The following SORCS3 variants were observed in gnomAD, a reference collection of about 807,000 sequenced individuals.
SORCS3 encodes VPS10 domain-containing receptor SorCS3.
Under a neutral mutation model 146.3 loss-of-function variants are expected in SORCS3, and 57 were observed. The observed-to-expected ratio is 0.39, with a 90% CI of 0.31 to 0.49. The LOEUF (loss-of-function observed/expected upper bound fraction) is 0.49, where lower values mean the gene tolerates loss of function less well. SORCS3 is among the 20% of genes least tolerant of loss of function. The probability of loss-of-function intolerance (pLI) is 0.92; values close to 1 mark genes in which losing one functional copy is unlikely to be tolerated. For missense variants in SORCS3, 1,341 were observed against 1,575.5 expected, an observed-to-expected ratio of 0.85 and a Z score of 2.52; for synonymous variants, 653 against 618.5, an observed-to-expected ratio of 1.06 and a Z score of -0.83.
At chr10:105,139,949 A>G (rs1034179) in intron 8 of SORCS3, among the ~76,000 whole-genome samples, 77,356 of 152,012 alleles carry the variant, frequency 0.51, 19,972 homozygotes, top group Admixed American at 0.55. Context: ...TCCCCCTGCC[A>G]CCATGAGTAA....
intron 4 of SORCS3, among the ~76,000 whole-genome samples, chr10:105,037,952 C>G (rs2055316830): frequency 6.6e-6 from 1 of 152,124 alleles, no homozygotes; most frequent in Non-Finnish European, 1.5e-5. Flanking sequence ...CTCTGGCAGG[C>G]CAATGTAATT....
At chr10:104,995,792 A>C (rs2055023481) in intron 4 of SORCS3, among the ~76,000 whole-genome samples, 1 of 152,072 alleles carries the variant, frequency 6.6e-6, no homozygotes, top group African/African-American at 2.4e-5. Context: ...TTTTTGGATC[A>C]TATTATTTGA....
Position 105,201,631 on chromosome 10 carries a change from C to T in SORCS3, c.2261+378C>T, listed in dbSNP as rs117857074. Among the ~76,000 whole-genome samples, 23 of 152,312 alleles carry T rather than the reference C, an allele frequency of 1.5e-4. 1 individual carries two copies. The East Asian group carries it at 4.1e-3, about 27-fold the overall frequency. ...CATGCACTCTCACTGTGCTCTTCTA[C>T]GTGACCTCTCTCTTGTTTCCTTTTT... On this transcript the variant is annotated intron_variant, in intron 16 of 26. Coordinates refer to ENST00000369701, the MANE Select transcript of SORCS3 (RefSeq NM_014978.3).
chr10:104,871,805 G>T (rs2018521509), intron 2 of SORCS3, among the ~76,000 whole-genome samples: 1 of 152,126 alleles, frequency 6.6e-6, no homozygotes, highest in Non-Finnish European at 1.5e-5. Flanking sequence ...ACCTGTCGAG[G>T]TGAGGGCAGG....
chr10:104,877,691 CA>C (rs1357392323), intron 2 of SORCS3, among the ~76,000 whole-genome samples: 1 of 152,180 alleles, frequency 6.6e-6, no homozygotes, highest in African/African-American at 2.4e-5. Context: ...GGACAGAAAA[CA>C]GGCTAAGAGA....
intron 7 of SORCS3, among the ~76,000 whole-genome samples, chr10:105,116,904 G>T (rs865854205): frequency 6.6e-6 from 1 of 152,060 alleles, no homozygotes; most frequent in East Asian, 1.9e-4. Flanking sequence ...GGTGGGAGGA[G>T]GAAGAGGAGC....
intron 3 of SORCS3, among the ~76,000 whole-genome samples, chr10:104,974,350 C>G (rs183735826): frequency 3.3e-5 from 5 of 152,194 alleles, no homozygotes; most frequent in African/African-American, 9.6e-5. Flanking sequence ...GTAGGTCACT[C>G]AGGACTTGCT....
intron 1 of SORCS3, among the ~76,000 whole-genome samples, chr10:104,704,207 G>A (rs954812994): frequency 2.0e-4 from 28 of 141,588 alleles, no homozygotes; most frequent in African/African-American, 5.6e-4. Flanking sequence ...TCTCACTGTC[G>A]CCCAGGCTGG....
intron 4 of SORCS3, among the ~76,000 whole-genome samples, chr10:104,980,081 A>G (rs1209067911): frequency 6.6e-6 from 1 of 152,192 alleles, no homozygotes; most frequent in Non-Finnish European, 1.5e-5. Flanking sequence ...CTCATGAAGT[A>G]CCCTTATGGA....
rs151050316 is a variant in SORCS3, at chr10:104,726,882, G to A, written c.627+84928G>A. Among the ~76,000 whole-genome samples, 26 of 152,254 alleles carry A rather than the reference G, an allele frequency of 1.7e-4. 1 individual carries two copies. The East Asian group carries it at 5.0e-3, about 29-fold the overall frequency. ...ACCTGGGACTAGGGCTACTTGGGATGCAAGACTTCCAGTGTTCAATCTGGT... is the reference window on the plus strand; with the variant it reads ...ACCTGGGACTAGGGCTACTTGGGATACAAGACTTCCAGTGTTCAATCTGGT... On this transcript the variant is annotated intron_variant, in intron 1 of 26. Transcript: ENST00000369701.
intron 13 of SORCS3, among the ~76,000 whole-genome samples, chr10:105,167,893 A>G (rs1253719750): frequency 1.3e-5 from 2 of 152,138 alleles, no homozygotes; most frequent in African/African-American, 4.8e-5. Flanking sequence ...TACAAGGAGA[A>G]ACCAGGGACT....
chr10:105,256,561 C>A (rs930770017), intron 24 of SORCS3, among the ~76,000 whole-genome samples: 1 of 152,308 alleles, frequency 6.6e-6, no homozygotes, highest in South Asian at 2.1e-4. Flanking sequence ...GCTGGACATA[C>A]GTTGTTCAAT....
intron 1 of SORCS3, among the ~76,000 whole-genome samples, chr10:104,688,947 A>C (rs1453831518): frequency 6.6e-6 from 1 of 152,162 alleles, no homozygotes; most frequent in African/African-American, 2.4e-5. Context: ...CATGCATGCC[A>C]AGGAAGTGAG....
At chr10:104,936,299 G>A (rs1366133230) in intron 3 of SORCS3, among the ~76,000 whole-genome samples, 1 of 152,174 alleles carries the variant, frequency 6.6e-6, no homozygotes, top group Non-Finnish European at 1.5e-5. Context: ...TTGTGTTGTA[G>A]GGAAGAGATG....
intron 1 of SORCS3, among the ~76,000 whole-genome samples, chr10:104,710,748 C>A (rs899135596): frequency 6.0e-5 from 9 of 150,882 alleles, no homozygotes; most frequent in Non-Finnish European, 1.2e-4. Context: ...CTCATAGGAG[C>A]TTTCTCCAGA....
intron 20 of SORCS3, among the ~76,000 whole-genome samples, chr10:105,239,884 C>A (rs896714778): frequency 1.3e-5 from 2 of 152,138 alleles, no homozygotes; most frequent in Non-Finnish European, 2.9e-5. Flanking sequence ...TCCAGCTTTG[C>A]AAGGAAGGTG....
At chr10:104,859,958 T>A (rs531814375) in intron 2 of SORCS3, among the ~76,000 whole-genome samples, 1 of 82,334 alleles carries the variant, frequency 1.2e-5, no homozygotes, top group Non-Finnish European at 2.7e-5. Flanking sequence ...GGAACACTTT[T>A]ACACTGTTGG....
At chr10:104,905,024 G>C (rs1171375725) in intron 2 of SORCS3, among the ~76,000 whole-genome samples, 1 of 152,138 alleles carries the variant, frequency 6.6e-6, no homozygotes, top group Non-Finnish European at 1.5e-5. Flanking sequence ...CCGACTTCTA[G>C]CTAATTGCTT....
At chr10:104,733,130 T>C (rs1374914861) in intron 1 of SORCS3, among the ~76,000 whole-genome samples, 4 of 152,188 alleles carry the variant, frequency 2.6e-5, no homozygotes, top group Non-Finnish European at 4.4e-5. Flanking sequence ...GAATGCTTTA[T>C]GCTGCTGAAA....
Sources: allele counts gnomAD v4.1 joint callset (sites outside exome capture counted in the v4.1 genomes callset), GRCh38; gene constraint gnomAD v4.1.1; transcripts MANE v1.5; gene names NCBI Gene and HGNC (gene_info 2026-07-23, HGNC 2026-07-21).